Variants in NR3C1 observed in about 807,000 individuals in gnomAD.
NR3C1 encodes the protein glucocorticoid receptor.
A neutral mutation model predicts 74.0 loss-of-function variants in NR3C1; 14 were observed. The observed-to-expected ratio is 0.19, with a 90% CI of 0.12 to 0.30. The LOEUF (loss-of-function observed/expected upper bound fraction) is 0.30, where lower values mean the gene tolerates loss of function less well. Ranked by LOEUF, NR3C1 falls within the 10% of genes least tolerant of loss-of-function variation. The pLI, the probability that NR3C1 is intolerant of heterozygous loss-of-function variation, is 1.00. For missense variants in NR3C1, 695 were observed against 909.8 expected (o/e 0.76, Z 3.04); for synonymous variants, 308 against 332.5 (o/e 0.93, Z 0.80).
chr5:143,402,649 G>T (rs1840523738), intron 1 of NR3C1: 1 of 985,512 alleles, frequency 1.0e-6, no homozygotes, highest in Non-Finnish European at 1.2e-6. Flanking sequence ...GATAACGCCG[G>T]CCCCGGCCGC....
At chr5:143,317,318 A>T (rs576245534) in intron 2 of NR3C1, among the ~76,000 whole-genome samples, 1 of 152,186 alleles carries the variant, frequency 6.6e-6, no homozygotes, top group African/African-American at 2.4e-5. Flanking sequence ...ATACCATAGT[A>T]AGAGTGCATA....
chr5:143,415,817 T>G (rs1389060202), intron 1 of NR3C1, among the ~76,000 whole-genome samples: 2 of 152,164 alleles, frequency 1.3e-5, no homozygotes, highest in African/African-American at 4.8e-5. Context: ...CACCCAAAAG[T>G]GCTACATTAT....
chr5:143,310,392 G>A (rs1554077093), intron 3 of NR3C1, among the ~76,000 whole-genome samples, 179 bp from the exon 4 acceptor site: 1 of 152,072 alleles, frequency 6.6e-6, no homozygotes, highest in Non-Finnish European at 1.5e-5. Flanking sequence ...AACAAAAAGA[G>A]TCTCCCTTTT....
At chr5:143,350,666 T>C (rs1360626442) in intron 2 of NR3C1, among the ~76,000 whole-genome samples, 1 of 151,982 alleles carries the variant, frequency 6.6e-6, no homozygotes, top group African/African-American at 2.4e-5. Flanking sequence ...GTCCTTTGCA[T>C]AAGGACAAAT....
At chr5:143,350,956 G>T (rs1283251350) in intron 2 of NR3C1, among the ~76,000 whole-genome samples, 3 of 152,128 alleles carry the variant, frequency 2.0e-5, no homozygotes, top group African/African-American at 7.2e-5. Context: ...ACCTTGGAAA[G>T]GTCAATGTGA....
chr5:143,402,801 G>C, intron 1 of NR3C1: 1 of 985,428 alleles, frequency 1.0e-6, no homozygotes, highest in South Asian at 4.7e-5. Flanking sequence ...CAAATATTCG[G>C]GCGAGTAAAA....
At chr5:143,380,211 A>C (rs926027963) in intron 2 of NR3C1, among the ~76,000 whole-genome samples, 7 of 152,200 alleles carry the variant, frequency 4.6e-5, no homozygotes, top group Admixed American at 4.6e-4. Context: ...ACAAATCCTT[A>C]ATTATTTGAC....
intron 7 of NR3C1, chr5:143,295,192 G>A: frequency 1.0e-6 from 1 of 985,326 alleles, no homozygotes; most frequent in Non-Finnish European, 1.2e-6. Context: ...AAGGAAGGAA[G>A]GAGAAAAAAG....
At chr5:143,338,265 G>A (rs1429172436) in intron 2 of NR3C1, among the ~76,000 whole-genome samples, 1 of 151,776 alleles carries the variant, frequency 6.6e-6, no homozygotes, top group Non-Finnish European at 1.5e-5. Flanking sequence ...ACTCGATAAT[G>A]ATAATAAATG....
In NR3C1 at chr5:143,392,740, T is replaced by TA. The variant is rs889827220; in HGVS notation, c.1184+6915dup. ...TAATTGGTGCTTAATCATTATTAGG[T>TA]AAAAAAAAATTAACAAAATGAATAG... On this transcript the variant is annotated intron_variant, in intron 2 of 8. Coordinates refer to ENST00000394464, the MANE Select transcript of NR3C1 (RefSeq NM_000176.3). 2.0e-4 allele frequency among the ~76,000 whole-genome samples: 30 copies of TA among 151,414 alleles called. No homozygotes were observed. The East Asian group carries it at 2.5e-3, about 13-fold the overall frequency.
At chr5:143,424,060 T>C (rs1231723196) in intron 1 of NR3C1, among the ~76,000 whole-genome samples, 1 of 8,828 alleles carries the variant, frequency 1.1e-4, no homozygotes, top group African/African-American at 3.6e-4. Context: ...TGGGGACTGT[T>C]GTGGGGTGTG....
chr5:143,331,542 T>C (rs957490635), intron 2 of NR3C1, among the ~76,000 whole-genome samples: 1 of 152,064 alleles, frequency 6.6e-6, no homozygotes, highest in South Asian at 2.1e-4. Context: ...TAAAAGCCCA[T>C]CAACAGAAGA....
intron 3 of NR3C1, among the ~76,000 whole-genome samples, chr5:143,311,468 T>G (rs907883894): frequency 1.6e-4 from 25 of 152,250 alleles, no homozygotes; most frequent in African/African-American, 1.9e-4. Flanking sequence ...TCAGAGGCAA[T>G]GTACCTTCAT....
At chr5:143,366,245 A>T (rs1833150151) in intron 2 of NR3C1, among the ~76,000 whole-genome samples, 1 of 152,184 alleles carries the variant, frequency 6.6e-6, no homozygotes, top group Non-Finnish European at 1.5e-5. Flanking sequence ...ACGGTAGCTC[A>T]CACCTGTAAT....
At chr5:143,330,669 C>T (rs1382769157) in intron 2 of NR3C1, among the ~76,000 whole-genome samples, 1 of 152,208 alleles carries the variant, frequency 6.6e-6, no homozygotes, top group Non-Finnish European at 1.5e-5. Context: ...AGATTGGACA[C>T]TGCTGTTAAC....
At chr5:143,404,368 A>T (rs1231171360), upstream of NR3C1, 1 of 984,718 alleles carries the variant, frequency 1.0e-6, no homozygotes, top group Admixed American at 6.2e-5. Flanking sequence ...GGGTCGGCGC[A>T]TACGTACTTT....
At chr5:143,319,711 C>T (rs555900125) in intron 2 of NR3C1, among the ~76,000 whole-genome samples, 1 of 152,046 alleles carries the variant, frequency 6.6e-6, no homozygotes, top group Admixed American at 6.5e-5. Flanking sequence ...CAGGACAGCC[C>T]CCACCACAAA....
rs764285231 is a variant in NR3C1, at chr5:143,389,913, T to G, written c.1184+9743A>C. ...AGGATGGCTCTTCCTTCCCATTTCT[T>G]AGCTCTGAAAACTTATAAATCATCT... is the stretch of plus-strand genomic sequence containing the variant. On this transcript the variant is annotated intron_variant, in intron 2 of 8. Coordinates refer to ENST00000394464, the MANE Select transcript of NR3C1 (RefSeq NM_000176.3). The G allele has an allele frequency of 3.5e-4, 342 of 977,358 alleles. 1 individual carries two copies. The highest frequency in any genetic ancestry group is 3.4e-4 in the Non-Finnish European group (278 of 822,672). The allele number at this position is 977,358 out of a possible 1,614,324, so 60.5% of individuals were successfully genotyped here.
At chr5:143,382,769 G>A (rs113895642) in intron 2 of NR3C1, among the ~76,000 whole-genome samples, 1,918 of 152,282 alleles carry the variant, frequency 0.013, 37 homozygotes, top group African/African-American at 0.043. Context: ...TGACAATGAC[G>A]GGAGCATACT....
Sources: gnomAD v4.1 joint callset for allele counts (sites outside exome capture counted in the v4.1 genomes callset) on GRCh38, gnomAD v4.1.1 for gene constraint, MANE v1.5 for transcripts, NCBI Gene and HGNC (gene_info 2026-07-23, HGNC 2026-07-21) for gene names.